Variants in ESCO2 observed in about 807,000 individuals in gnomAD.
ESCO2 encodes the protein establishment of sister chromatid cohesion N-acetyltransferase 2.
ESCO2 carries 51 observed loss-of-function variants against 61.7 expected under a neutral mutation model. The ratio of observed to expected loss-of-function variants is 0.83; its 90% CI spans 0.66 to 1.04. ESCO2 has a LOEUF of 1.04. ESCO2 is among the 50% of genes least tolerant of loss of function. The pLI is 0.00. For synonymous variants in ESCO2, 230 were observed against 238.2 expected (o/e 0.97, Z 0.32); for missense variants, 692 against 686.2 (o/e 1.01, Z -0.09).
chr8:27,805,258 G>A lies in ESCO2; in HGVS notation c.*1820G>A, dbSNP rs1198745301. On this transcript the variant is annotated 3_prime_UTR_variant, in exon 11 of 11. Transcript: ENST00000305188. Reference sequence around the variant, plus strand: ...ATTGCGCCACTGCAGTCCGCAGTCCGGCCTGGGCGACAGAGCGAGACTCCG... The same window carrying A: ...ATTGCGCCACTGCAGTCCGCAGTCCAGCCTGGGCGACAGAGCGAGACTCCG... 1.1e-5 allele frequency: 1 copy of A among 90,414 alleles called. No individual in the cohort carries two copies. The highest frequency in any genetic ancestry group is 1.2e-4 in the Admixed American group (1 of 8,056). The allele number at this position is 90,414 out of a possible 1,614,324, so 5.6% of individuals were successfully genotyped here. A position where few individuals can be genotyped will look rare whatever the true frequency, so the allele number is the denominator to read the frequency against.
In ESCO2 at chr8:27,803,509, T is replaced by C; in HGVS notation, c.*71T>C. On this transcript the variant is annotated 3_prime_UTR_variant, in exon 11 of 11. Transcript: ENST00000305188. ...GAGCTCCTTATTATAAAATACAAAC[T>C]ATTTAATATCAAAATAAAAAATACC... 3 of 1,566,798 alleles carry C rather than the reference T, an allele frequency of 1.9e-6. No homozygotes were observed. Among genetic ancestry groups the C allele is most frequent in the South Asian group, 1.1e-5 (1 of 87,634 alleles).
chr8:27,788,762 A>T, intron 6 of ESCO2, 85 bp from the exon 7 acceptor site: 1 of 1,562,872 alleles, frequency 6.4e-7, no homozygotes, highest in South Asian at 1.1e-5. Flanking sequence ...ATTAGGTGAA[A>T]TTTGAATGAA....
chr8:27,776,192 G>C (rs1585389447), intron 2 of ESCO2, among the ~76,000 whole-genome samples, 170 bp from the exon 3 acceptor site: 1 of 148,770 alleles, frequency 6.7e-6, no homozygotes, highest in African/African-American at 2.4e-5. Flanking sequence ...TGTTTTATTT[G>C]ATAAAGACAG....
chr8:27,785,699 CAAAA>C (rs567532485), intron 5 of ESCO2, among the ~76,000 whole-genome samples: 1 of 98,658 alleles, frequency 1.0e-5, no homozygotes, highest in Non-Finnish European at 2.2e-5. Context: ...GATTCCATCT[CAAAA>C]AAAAAAAAAA....
chr8:27,817,184 A>G (rs72609988), downstream of ESCO2, among the ~76,000 whole-genome samples: 23,928 of 152,052 alleles, frequency 0.16, 2,394 homozygotes, highest in East Asian at 0.37. Context: ...AAAAATATAT[A>G]TATATTTTTA....
Position 27,784,032 on chromosome 8 carries a change from A to G in ESCO2, c.988A>G (p.Ser330Gly). 6.2e-7 allele frequency: 1 copy of G among 1,613,652 alleles called. No homozygotes were observed. Among genetic ancestry groups the G allele is most frequent in the East Asian group, 2.2e-5 (1 of 44,800 alleles). Reference protein sequence around the residue: ...SPKSTVYPIFSASSVNSKRSL... With the variant: ...SPKSTVYPIFGASSVNSKRSL... Reference sequence around the variant, plus strand: ...TAAGTCCACTGTCTATCCAATCTTCAGTGCATCTTCAGTCAATTCAAAAAG... The same window carrying G: ...TAAGTCCACTGTCTATCCAATCTTCGGTGCATCTTCAGTCAATTCAAAAAG... The change falls in exon 5 of 11, where the codon AGT (serine) becomes GGT (glycine). Residue 330 changes from serine (S) to glycine (G), a missense_variant. By Grantham distance (56) the Ser-to-Gly change is moderately conservative. Coordinates refer to ENST00000305188, the MANE Select transcript of ESCO2 (RefSeq NM_001017420.3).
downstream of ESCO2, chr8:27,812,313 A>G (rs748952277): frequency 8.5e-5 from 13 of 152,136 alleles, no homozygotes; most frequent in Non-Finnish European, 1.0e-4. Flanking sequence ...ATCTATTGAG[A>G]TATGTAGTTT....
chr8:27,805,776 A>G (rs1024792311), downstream of ESCO2, among the ~76,000 whole-genome samples: 4 of 151,964 alleles, frequency 2.6e-5, no homozygotes, highest in African/African-American at 9.7e-5. Context: ...ACGTCTGCTT[A>G]ATTTTTGTAT....
chr8:27,804,094 A>T lies in ESCO2; in HGVS notation c.*656A>T. The T allele has an allele frequency of 1.0e-6, 1 of 985,422 alleles. No homozygotes were observed. The highest frequency in any genetic ancestry group is 1.2e-6 in the Non-Finnish European group (1 of 829,936). The allele number at this position is 985,422 out of a possible 1,614,324, so 61.0% of individuals were successfully genotyped here. A position where few individuals can be genotyped will look rare whatever the true frequency, so the allele number is the denominator to read the frequency against. On this transcript the variant is annotated 3_prime_UTR_variant, in exon 11 of 11. Coordinates refer to ENST00000305188, the MANE Select transcript of ESCO2 (RefSeq NM_001017420.3). ...ACTCGTCTGTAGTAACTCAGTTTGA[A>T]TATCTTTAGAAAATGTTTAGAATTT...
chr8:27,811,209 C>T (rs17479454), downstream of ESCO2: 394,127 of 1,294,670 alleles, frequency 0.3, 64,771 homozygotes, highest in Middle Eastern at 0.37. Context: ...GGGAAACAGG[C>T]GAACGATTTG....
At chr8:27,772,198 T>C (rs1804646567), upstream of ESCO2, 2 of 506,764 alleles carry the variant, frequency 3.9e-6, no homozygotes, top group Non-Finnish European at 7.1e-6. Flanking sequence ...ATAAGGTGTG[T>C]GGAGGAGCCC....
At chr8:27,816,238 C>G (rs1351991725), downstream of ESCO2, among the ~76,000 whole-genome samples, 1 of 151,598 alleles carries the variant, frequency 6.6e-6, no homozygotes, top group Non-Finnish European at 1.5e-5. Context: ...AAGACTGTGT[C>G]TGTCTCATGT....
Position 27,803,581 on chromosome 8 carries a change from T to A in ESCO2, c.*143T>A. 1.3e-4 allele frequency: 154 copies of A among 1,228,396 alleles called. No individual in the cohort carries two copies. Among genetic ancestry groups the A allele is most frequent in the South Asian group, 1.2e-3 (50 of 40,466 alleles). The allele number at this position is 1,228,396 out of a possible 1,614,324, so 76.1% of individuals were successfully genotyped here. The stretch of plus-strand genomic sequence containing the variant: ...ACACACACACACGCACACACACATA[T>A]CACAGTTTTGTTCCTTATGAGTTGA... On this transcript the variant is annotated 3_prime_UTR_variant, in exon 11 of 11. Coordinates refer to ENST00000305188, the MANE Select transcript of ESCO2 (RefSeq NM_001017420.3).
Position 27,804,498 on chromosome 8 carries a change from C to A in ESCO2, c.*1060C>A. On this transcript the variant is annotated 3_prime_UTR_variant, in exon 11 of 11. Transcript: ENST00000305188. ...TATACATAGGCTGGTGGATGAGAGACCATGGAACTGTGTAAATACACTTAA... is the reference window on the plus strand; with the variant it reads ...TATACATAGGCTGGTGGATGAGAGAACATGGAACTGTGTAAATACACTTAA... 1.0e-6 allele frequency: 1 copy of A among 985,346 alleles called. No individual in the cohort carries two copies. 61.0% of individuals were successfully genotyped at this position (985,346 alleles called of 1,614,324 possible). A position where few individuals can be genotyped will look rare whatever the true frequency, so the allele number is the denominator to read the frequency against.
Position 27,804,250 on chromosome 8 carries a change from T to C in ESCO2, c.*812T>C. The C allele has an allele frequency of 1.0e-6, 1 of 983,076 alleles. No homozygotes were observed. Among genetic ancestry groups the C allele is most frequent in the Non-Finnish European group, 1.2e-6 (1 of 827,792 alleles). The allele number at this position is 983,076 out of a possible 1,614,324, so 60.9% of individuals were successfully genotyped here. A position where few individuals can be genotyped will look rare whatever the true frequency, so the allele number is the denominator to read the frequency against. On this transcript the variant is annotated 3_prime_UTR_variant, in exon 11 of 11. Transcript: ENST00000305188. ...CATCAGATTTAATTAAAATTATACTTAGTAATTGCACTATTACTTAGTTAA... is the reference window on the plus strand; with the variant it reads ...CATCAGATTTAATTAAAATTATACTCAGTAATTGCACTATTACTTAGTTAA...
chr8:27,803,543 C>T lies in ESCO2; in HGVS notation c.*105C>T. On this transcript the variant is annotated 3_prime_UTR_variant, in exon 11 of 11. Coordinates refer to ENST00000305188, the MANE Select transcript of ESCO2 (RefSeq NM_001017420.3). ...TCAAAATAAAAAATACCGAGACTCA[C>T]ACTCATACACACACACACACACACG... 1 of 1,438,292 alleles carries T rather than the reference C, an allele frequency of 7.0e-7. No homozygotes were observed. The allele number at this position is 1,438,292 out of a possible 1,614,324, so 89.1% of individuals were successfully genotyped here.
At chr8:27,776,283 G>A (rs931047947) in intron 2 of ESCO2, 79 bp from the exon 3 acceptor site, 11 of 1,213,456 alleles carry the variant, frequency 9.1e-6, no homozygotes, top group South Asian at 8.1e-5. Context: ...TGACCTACAA[G>A]TAGAGCTTAC....
intron 4 of ESCO2, among the ~76,000 whole-genome samples, chr8:27,783,242 G>A (rs1804964444): frequency 6.6e-6 from 1 of 152,018 alleles, no homozygotes; most frequent in Admixed American, 6.6e-5. Context: ...ATCCTTTGGG[G>A]TCTGGCTTAT....
intron 4 of ESCO2, 60 bp downstream of exon 4, chr8:27,780,327 A>C: frequency 9.3e-7 from 1 of 1,069,898 alleles, no homozygotes; most frequent in Non-Finnish European, 1.4e-6. Context: ...CATACATTAT[A>C]CAATAATAAT....
Sources: allele counts gnomAD v4.1 joint callset (sites outside exome capture counted in the v4.1 genomes callset), GRCh38; gene constraint gnomAD v4.1.1; transcripts MANE v1.5; gene names NCBI Gene and HGNC (gene_info 2026-07-23, HGNC 2026-07-21).